Variants in UBE3D observed in about 807,000 individuals in gnomAD.
UBE3D encodes the protein E3 ubiquitin-protein ligase E3D.
Under a neutral mutation model 49.6 loss-of-function variants are expected in UBE3D, and 48 were observed. That is an observed-to-expected ratio of 0.97 (90% CI 0.77 to 1.23). UBE3D has a LOEUF of 1.23. UBE3D is among the 50% of genes most tolerant of loss of function. The pLI is 0.00. For missense variants in UBE3D, 452 were observed against 468.4 expected (o/e 0.96, Z 0.32); for synonymous variants, 189 against 174.2 (o/e 1.08, Z -0.67).
chr6:82,891,535 C>T (rs759211930), downstream of UBE3D, among the ~76,000 whole-genome samples: 16 of 152,160 alleles, frequency 1.1e-4, no homozygotes, highest in Non-Finnish European at 1.6e-4. Context: ...AGAACTTCAA[C>T]GTTTCAAACT....
intron 8 of UBE3D, among the ~76,000 whole-genome samples, chr6:82,992,895 G>T (rs1778989222): frequency 6.6e-6 from 1 of 151,976 alleles, no homozygotes; most frequent in Non-Finnish European, 1.5e-5. Flanking sequence ...TGTCAGATAA[G>T]TGGCGATGGT....
At chr6:83,046,973 T>G (rs1184023203) in intron 3 of UBE3D, among the ~76,000 whole-genome samples, 1 of 152,182 alleles carries the variant, frequency 6.6e-6, no homozygotes. Context: ...AGAGACAATA[T>G]GAAGGTAGAT....
chr6:83,023,252 A>C (rs1781228016), intron 6 of UBE3D, among the ~76,000 whole-genome samples: 1 of 152,216 alleles, frequency 6.6e-6, no homozygotes. Flanking sequence ...TATTCAAAAA[A>C]CTTATTGGTG....
At chr6:82,988,020 AGTAT>A (rs1778640147) in intron 8 of UBE3D, among the ~76,000 whole-genome samples, 1 of 152,364 alleles carries the variant, frequency 6.6e-6, no homozygotes, top group South Asian at 2.1e-4. Context: ...GCAAGTTAAT[AGTAT>A]GTAATTTTAA....
chr6:83,029,680 T>C (rs1480029832), intron 5 of UBE3D, among the ~76,000 whole-genome samples: 1 of 152,242 alleles, frequency 6.6e-6, no homozygotes, highest in Non-Finnish European at 1.5e-5. Context: ...TTGTGTGCAA[T>C]ATGTTGTAGC....
chr6:82,981,959 G>A (rs1168799125), intron 8 of UBE3D, among the ~76,000 whole-genome samples: 1 of 152,072 alleles, frequency 6.6e-6, no homozygotes, highest in Non-Finnish European at 1.5e-5. Flanking sequence ...TTGTTTCATT[G>A]GTGATTGTTT....
intron 8 of UBE3D, among the ~76,000 whole-genome samples, chr6:82,965,583 C>CAA (rs35257086): frequency 1.5e-3 from 128 of 85,792 alleles, no homozygotes; most frequent in Non-Finnish European, 1.8e-3. Flanking sequence ...AACTCCATCT[C>CAA]AAAAAAAAAA....
At chr6:82,998,016 G>C (rs1779365612) in intron 8 of UBE3D, among the ~76,000 whole-genome samples, 1 of 152,158 alleles carries the variant, frequency 6.6e-6, no homozygotes, top group Admixed American at 6.5e-5. Context: ...AAAATGACAA[G>C]AGTAAGGTTC....
chr6:82,937,159 C>T (rs1774639939), intron 9 of UBE3D, among the ~76,000 whole-genome samples: 1 of 152,034 alleles, frequency 6.6e-6, no homozygotes, highest in Non-Finnish European at 1.5e-5. Context: ...CCCCCAATAC[C>T]TCTTCTATTC....
intron 8 of UBE3D, among the ~76,000 whole-genome samples, chr6:82,965,336 C>T (rs1016629084): frequency 8.5e-5 from 13 of 152,124 alleles, no homozygotes; most frequent in African/African-American, 3.1e-4. Context: ...GTAATCCCAG[C>T]ACTTTGGGAG....
intron 8 of UBE3D, among the ~76,000 whole-genome samples, chr6:82,966,340 C>A (rs1410661022): frequency 6.6e-6 from 1 of 152,034 alleles, no homozygotes; most frequent in Middle Eastern, 3.2e-3. Context: ...AGTGGCACAA[C>A]CTTGTGAATA....
intron 5 of UBE3D, among the ~76,000 whole-genome samples, chr6:83,034,764 A>G (rs899943228): frequency 2.0e-5 from 3 of 152,182 alleles, no homozygotes; most frequent in Non-Finnish European, 4.4e-5. Flanking sequence ...ACTGTGAGAC[A>G]ATTAAACCTC....
chr6:83,041,804 A>G (rs939999236), intron 4 of UBE3D, among the ~76,000 whole-genome samples: 3 of 152,232 alleles, frequency 2.0e-5, no homozygotes, highest in Non-Finnish European at 1.5e-5. Flanking sequence ...GCTAGCAGTA[A>G]TATTAATGTA....
intron 8 of UBE3D, among the ~76,000 whole-genome samples, chr6:82,996,586 A>G (rs1779257387): frequency 1.3e-5 from 2 of 152,152 alleles, no homozygotes; most frequent in Admixed American, 6.5e-5. Flanking sequence ...TGAGAAGGGA[A>G]AAAGAGTAGC....
chr6:83,034,890 GA>G (rs1276564908), intron 5 of UBE3D, among the ~76,000 whole-genome samples: 1 of 151,252 alleles, frequency 6.6e-6, no homozygotes, highest in South Asian at 2.1e-4. Context: ...TAAAAAAAAA[GA>G]AAAAAAATCA....
chr6:83,044,291 T>C (rs1229119361), intron 4 of UBE3D, 137 bp downstream of exon 4: 2 of 777,188 alleles, frequency 2.6e-6, no homozygotes, highest in Admixed American at 2.8e-5. Flanking sequence ...AAAGCAACGA[T>C]AGCGATGACA....
At chr6:83,000,389 T>A (rs1020336964) in intron 8 of UBE3D, among the ~76,000 whole-genome samples, 1 of 152,154 alleles carries the variant, frequency 6.6e-6, no homozygotes, top group Non-Finnish European at 1.5e-5. Flanking sequence ...TAGTGGCCCA[T>A]TCCTCAAATC....
rs1296515360 is a variant in UBE3D at position 83,044,611 on chromosome 6, T to C, written c.414A>G (p.Leu138=). The change falls in exon 4 of 10, where the codon CTA becomes CTG. Residue 138 remains leucine (L), a synonymous_variant. Coordinates refer to ENST00000369747, the MANE Select transcript of UBE3D (RefSeq NM_198920.3). ...LPLPSENWGA[L]VGEWCCHPDP... ...CAGGATGACAACACCATTCTCCAAC[T>C]AGAGCTCCCCAGTTCTCACTCGGCA... is the stretch of plus-strand genomic sequence containing the variant. 1 of 1,614,118 alleles carries C rather than the reference T, an allele frequency of 6.2e-7. No individual in the cohort carries two copies.
intron 5 of UBE3D, among the ~76,000 whole-genome samples, chr6:83,033,142 C>T (rs950351171): frequency 7.2e-5 from 11 of 152,024 alleles, no homozygotes; most frequent in African/African-American, 2.4e-4. Flanking sequence ...AGGTGTCTCA[C>T]ATGGTGAAAG....
Sources: gnomAD v4.1 joint callset for allele counts (sites outside exome capture counted in the v4.1 genomes callset) on GRCh38, gnomAD v4.1.1 for gene constraint, MANE v1.5 for transcripts, NCBI Gene and HGNC (gene_info 2026-07-23, HGNC 2026-07-21) for gene names.